Variants in EXOC1L observed in about 807,000 individuals in gnomAD.
The protein encoded by EXOC1L is exocyst complex component 1-like.
Under a neutral mutation model 4.9 loss-of-function variants are expected in EXOC1L, and 10 were observed. That is an observed-to-expected ratio of 2.02 (90% CI 1.25 to 3.43). The LOEUF is 3.43. EXOC1L is among the 30% of genes most tolerant of loss of function. EXOC1L has a pLI of 0.00. For missense variants in EXOC1L, 114 were observed against 59.4 expected, an observed-to-expected ratio of 1.92 and a Z score of -3.02; for synonymous variants, 41 against 20.8, an observed-to-expected ratio of 1.97 and a Z score of -2.63.
intron 2 of EXOC1L, among the ~76,000 whole-genome samples, chr4:55,833,786 C>T (rs1720092826): frequency 6.6e-6 from 1 of 151,758 alleles, no homozygotes; most frequent in African/African-American, 2.4e-5. Flanking sequence ...TAATTCCATC[C>T]CAACATTGTT....
Position 55,837,480 on chromosome 4 carries a change from G to T in EXOC1L, c.*129G>T, listed in dbSNP as rs1244616537. 1 of 437,874 alleles carries T rather than the reference G, an allele frequency of 2.3e-6. No homozygotes were observed. Among genetic ancestry groups the T allele is most frequent in the Admixed American group, 4.0e-5 (1 of 24,944 alleles). 27.1% of individuals were successfully genotyped at this position (437,874 alleles called of 1,614,324 possible). A position where few individuals can be genotyped will look rare whatever the true frequency, so the allele number is the denominator to read the frequency against. Reference sequence around the variant, plus strand: ...TTAAATAAAAATAAAGTAATGCTTTGTGAATTGCAGTGAAATGCATTTTAA... The same window carrying T: ...TTAAATAAAAATAAAGTAATGCTTTTTGAATTGCAGTGAAATGCATTTTAA... On this transcript the variant is annotated 3_prime_UTR_variant, in exon 3 of 3. Coordinates refer to ENST00000636125, the MANE Select transcript of EXOC1L (RefSeq NM_001351574.3).
intron 2 of EXOC1L, among the ~76,000 whole-genome samples, chr4:55,832,146 G>A (rs182551625): frequency 1.3e-5 from 2 of 152,078 alleles, no homozygotes; most frequent in African/African-American, 4.8e-5. Context: ...GGCATGGGTG[G>A]AAATGTATTA....
intron 2 of EXOC1L, 66 bp from the exon 3 acceptor site, chr4:55,837,019 G>C: frequency 3.3e-6 from 2 of 597,462 alleles, no homozygotes; most frequent in Middle Eastern, 2.6e-4. Flanking sequence ...GAGAATATGA[G>C]AGAATCCAGG....
At chr4:55,832,379 C>T (rs1720058747) in intron 2 of EXOC1L, among the ~76,000 whole-genome samples, 1 of 151,802 alleles carries the variant, frequency 6.6e-6, no homozygotes, top group Non-Finnish European at 1.5e-5. Context: ...CCTATTGTTC[C>T]AACCTTTAAA....
At chr4:55,827,659 A>G (rs750252461) in intron 1 of EXOC1L, among the ~76,000 whole-genome samples, 1 of 152,196 alleles carries the variant, frequency 6.6e-6, no homozygotes, top group Non-Finnish European at 1.5e-5. Context: ...AATTTGCTCC[A>G]TGAAAATTAC....
chr4:55,828,850 AAAACAAAC>A (rs372951187), intron 1 of EXOC1L, among the ~76,000 whole-genome samples: 14 of 152,070 alleles, frequency 9.2e-5, no homozygotes, highest in South Asian at 2.1e-4. Flanking sequence ...TTCAAAATGA[AAAACAAAC>A]AAACAAACAA....
chr4:55,835,611 T>C (rs2110286500), intron 2 of EXOC1L, among the ~76,000 whole-genome samples: 1 of 152,190 alleles, frequency 6.6e-6, no homozygotes, highest in South Asian at 2.1e-4. Flanking sequence ...TCATTAGTGA[T>C]ATTGAGCATT....
chr4:55,835,345 G>A (rs922478268), intron 2 of EXOC1L, among the ~76,000 whole-genome samples: 4 of 151,770 alleles, frequency 2.6e-5, no homozygotes, highest in Non-Finnish European at 5.9e-5. Context: ...TTAATATAAC[G>A]ACTTCTTTCC....
At chr4:55,828,010 A>G (rs1009196196) in intron 1 of EXOC1L, among the ~76,000 whole-genome samples, 3 of 152,182 alleles carry the variant, frequency 2.0e-5, no homozygotes, top group African/African-American at 7.2e-5. Flanking sequence ...CAGAGGGATC[A>G]CAGACTCTAA....
chr4:55,834,289 T>C (rs565273834), intron 2 of EXOC1L, among the ~76,000 whole-genome samples: 38 of 152,046 alleles, frequency 2.5e-4, no homozygotes, highest in Non-Finnish European at 4.4e-4. Context: ...CAGGATGATG[T>C]AGCAAAAATT....
chr4:55,820,430 T>G (rs2110278570), intron 1 of EXOC1L, among the ~76,000 whole-genome samples: 1 of 152,346 alleles, frequency 6.6e-6, no homozygotes, highest in African/African-American at 2.4e-5. Flanking sequence ...TCCAATCGTT[T>G]GTTTAATTCA....
Position 55,833,138 on chromosome 4 carries a change from G to A in EXOC1L, c.252+1674G>A, listed in dbSNP as rs73238364. Among the ~76,000 whole-genome samples, 1,119 of 151,888 alleles carry A rather than the reference G, an allele frequency of 7.4e-3. 8 individuals are homozygous for A. Among genetic ancestry groups the A allele is most frequent in the Non-Finnish European group, 0.01 (693 of 67,846 alleles). On this transcript the variant is annotated intron_variant, in intron 2 of 2. Coordinates refer to ENST00000636125, the MANE Select transcript of EXOC1L (RefSeq NM_001351574.3). ...TTTTGACAATATGTTCTACCTAAATGTTTGATGCTTAGGAAATGGTTAAAT... is the reference window on the plus strand; with the variant it reads ...TTTTGACAATATGTTCTACCTAAATATTTGATGCTTAGGAAATGGTTAAAT...
intron 1 of EXOC1L, among the ~76,000 whole-genome samples, chr4:55,823,577 A>G (rs1719799600): frequency 6.6e-6 from 1 of 152,254 alleles, no homozygotes; most frequent in South Asian, 2.1e-4. Flanking sequence ...CAGTAGAATA[A>G]CAATTATGCA....
At position 55,831,340 on chromosome 4, in the gene EXOC1L, A is replaced by G; in HGVS notation, c.128A>G (p.Lys43Arg). The G allele has an allele frequency of 1.5e-6, 1 of 650,434 alleles. No individual in the cohort carries two copies. Among genetic ancestry groups the G allele is most frequent in the East Asian group, 2.8e-5 (1 of 35,264 alleles). 40.3% of individuals were successfully genotyped at this position (650,434 alleles called of 1,614,324 possible). ...GTATTTTTCTGTCCTACAGTGACCA[A>G]AAAGGAAGAAGTAAAAATAGTCATG... ...DRYYLCVSVT[K>R]KEEVKIVMVK... is the part of the protein sequence containing the mutation. Residue 43 changes from lysine to arginine, a missense_variant, in exon 2 of 3, where the codon AAA becomes AGA. By Grantham distance (26) the Lys-to-Arg change is conservative. Coordinates refer to ENST00000636125, the MANE Select transcript of EXOC1L (RefSeq NM_001351574.3).
intron 1 of EXOC1L, among the ~76,000 whole-genome samples, chr4:55,828,199 C>T (rs1406114845): frequency 2.0e-5 from 3 of 152,216 alleles, no homozygotes; most frequent in South Asian, 2.1e-4. Flanking sequence ...TCCTACCTAA[C>T]CTTGAGGCTG....
At chr4:55,834,034 C>A (rs1157137415) in intron 2 of EXOC1L, among the ~76,000 whole-genome samples, 2 of 151,774 alleles carry the variant, frequency 1.3e-5, no homozygotes, top group Non-Finnish European at 2.9e-5. Context: ...AAAATCAAAT[C>A]CTTGGGGGTC....
chr4:55,826,996 A>T (rs533959334), intron 1 of EXOC1L, among the ~76,000 whole-genome samples: 105 of 152,286 alleles, frequency 6.9e-4, no homozygotes, highest in African/African-American at 2.3e-3. Context: ...CCCACCTCCA[A>T]CCTATCCTTT....
chr4:55,827,708 C>T (rs1719920961), intron 1 of EXOC1L, among the ~76,000 whole-genome samples: 2 of 152,198 alleles, frequency 1.3e-5, no homozygotes, highest in African/African-American at 4.8e-5. Flanking sequence ...CTCCCACCCC[C>T]TAAGCACCAT....
intron 1 of EXOC1L, among the ~76,000 whole-genome samples, chr4:55,822,719 A>G (rs1719779123): frequency 6.6e-6 from 1 of 152,190 alleles, no homozygotes; most frequent in African/African-American, 2.4e-5. Flanking sequence ...GGGGCGAGAT[A>G]AGTAGGCTCT....
Sources: gnomAD v4.1 joint callset for allele counts (sites outside exome capture counted in the v4.1 genomes callset) on GRCh38, gnomAD v4.1.1 for gene constraint, MANE v1.5 for transcripts, NCBI Gene and HGNC (gene_info 2026-07-23, HGNC 2026-07-21) for gene names.